The following GJC1 variants were observed in gnomAD, a reference collection of about 807,000 sequenced individuals.
GJC1 encodes the protein gap junction gamma-1 protein.
In GJC1, 5 loss-of-function variants were observed where a neutral mutation model predicts 29.3. That is an observed-to-expected ratio of 0.17 (90% CI 0.09 to 0.36). The LOEUF (loss-of-function observed/expected upper bound fraction) is 0.36. GJC1 is among the 10% of genes least tolerant of loss of function. The pLI is 1.00. For missense variants in GJC1, 310 were observed against 496.2 expected (o/e 0.62, Z 3.56); for synonymous variants, 177 against 183.3 (o/e 0.97, Z 0.28).
At chr17:44,815,766 T>C (rs1235398917) in intron 1 of GJC1, among the ~76,000 whole-genome samples, 2 of 145,462 alleles carry the variant, frequency 1.4e-5, no homozygotes, top group Non-Finnish European at 3.1e-5. Flanking sequence ...TTTTACTGAC[T>C]TCCTTCAAAT....
intron 1 of GJC1, among the ~76,000 whole-genome samples, chr17:44,816,112 CAAAA>C (rs34938283): frequency 1.7e-4 from 8 of 47,440 alleles, no homozygotes; most frequent in Non-Finnish European, 2.1e-4. Flanking sequence ...CACTCCGTCT[CAAAA>C]AAAAAAAAAA....
At chr17:44,806,573 G>GTATTTT (rs2049916716) in intron 2 of GJC1, among the ~76,000 whole-genome samples, 1 of 151,892 alleles carries the variant, frequency 6.6e-6, no homozygotes, top group Non-Finnish European at 1.5e-5. Context: ...ATTTTTAGTA[G>GTATTTT]AGATGGGGTT....
intron 1 of GJC1, among the ~76,000 whole-genome samples, chr17:44,826,765 G>A (rs774373971): frequency 6.6e-6 from 1 of 151,996 alleles, no homozygotes; most frequent in Non-Finnish European, 1.5e-5. Flanking sequence ...ATGCTCAAAC[G>A]CCCAGCTAGT....
intron 1 of GJC1, among the ~76,000 whole-genome samples, chr17:44,822,196 CAAAAAA>C (rs59152296): frequency 1.7e-4 from 8 of 47,560 alleles, no homozygotes; most frequent in African/African-American, 2.8e-4. Context: ...GACTCCGTCT[CAAAAAA>C]AAAAAAAAAA....
chr17:44,815,740 T>C (rs1217756920), intron 1 of GJC1, among the ~76,000 whole-genome samples: 1 of 152,108 alleles, frequency 6.6e-6, no homozygotes, highest in Admixed American at 6.6e-5. Context: ...ACATTTAATA[T>C]AAACATCTCA....
chr17:44,809,329 A>G (rs936107173), intron 1 of GJC1, among the ~76,000 whole-genome samples: 5 of 152,150 alleles, frequency 3.3e-5, no homozygotes, highest in African/African-American at 1.2e-4. Flanking sequence ...CTCTTTTCTC[A>G]TTGAATATAC....
At chr17:44,817,872 GGT>G (rs2050061434) in intron 1 of GJC1, among the ~76,000 whole-genome samples, 1 of 152,018 alleles carries the variant, frequency 6.6e-6, no homozygotes, top group African/African-American at 2.4e-5. Flanking sequence ...ATTATGTACA[GGT>G]TCTATGTGAC....
intron 1 of GJC1, among the ~76,000 whole-genome samples, chr17:44,829,168 T>A (rs2050204183): frequency 6.6e-6 from 1 of 151,666 alleles, no homozygotes; most frequent in Non-Finnish European, 1.5e-5. Flanking sequence ...CAGTTCTCAA[T>A]GAACAAAAAG....
At chr17:44,815,982 G>A (rs558608269) in intron 1 of GJC1, among the ~76,000 whole-genome samples, 6 of 151,494 alleles carry the variant, frequency 4.0e-5, no homozygotes, top group East Asian at 1.9e-4. Flanking sequence ...ACGTGGTGGC[G>A]GGTGCCTGTA....
At chr17:44,797,165 G>A (rs558100810), downstream of GJC1, among the ~76,000 whole-genome samples, 6 of 152,194 alleles carry the variant, frequency 3.9e-5, no homozygotes, top group African/African-American at 1.4e-4. Flanking sequence ...GAGTGCAGTG[G>A]CACAATCTTG....
rs35152035 is a variant in GJC1 at position 44,806,401 on chromosome 17, G to GTTT, written c.-20-567_-20-565dup. On this transcript the variant is annotated intron_variant, in intron 2 of 2. Coordinates refer to ENST00000592524, the MANE Select transcript of GJC1 (RefSeq NM_005497.4). ...TTCTCAGACCTTGGTTCTTCTGTTTGTTTTTTTTTTTTTTTTTTGAGACAG... is the reference window on the plus strand; with the variant it reads ...TTCTCAGACCTTGGTTCTTCTGTTTGTTTTTTTTTTTTTTTTTTTTTGAGACAG... Among the ~76,000 whole-genome samples, 303 of 122,122 alleles carry GTTT rather than the reference G, an allele frequency of 2.5e-3. 2 individuals carry two copies. The Middle Eastern group carries it at 0.028, about 11-fold the overall frequency. The allele number at this position is 122,122 out of a possible 152,430, so 80.1% of individuals were successfully genotyped here.
At chr17:44,831,269 A>G (rs2050228000), upstream of GJC1, among the ~76,000 whole-genome samples, 1 of 152,224 alleles carries the variant, frequency 6.6e-6, no homozygotes. Context: ...ATGTTTTCCA[A>G]AAATATGAAT....
Position 44,803,389 on chromosome 17 carries a change from A to G in GJC1, c.*1238T>C, listed in dbSNP as rs1369788163. 6.6e-6 allele frequency: 1 copy of G among 152,224 alleles called. No individual in the cohort carries two copies. The highest frequency in any genetic ancestry group is 2.4e-5 in the African/African-American group (1 of 41,452). 9.4% of individuals were successfully genotyped at this position (152,224 alleles called of 1,614,324 possible). A position where few individuals can be genotyped will look rare whatever the true frequency, so the allele number is the denominator to read the frequency against. ...ATAAAAGACTAGTGGGATGAACATG[A>G]ATGCTTGTCAGTGACAAACACATTA... On this transcript the variant is annotated 3_prime_UTR_variant, in exon 3 of 3. Coordinates refer to ENST00000592524, the MANE Select transcript of GJC1 (RefSeq NM_005497.4).
chr17:44,812,109 T>C (rs1455434572), intron 1 of GJC1, among the ~76,000 whole-genome samples: 1 of 151,716 alleles, frequency 6.6e-6, no homozygotes, highest in African/African-American at 2.4e-5. Context: ...GGTCAGGAGA[T>C]TGAGACCATC....
At chr17:44,825,923 T>C (rs751229791) in intron 1 of GJC1, among the ~76,000 whole-genome samples, 6 of 152,142 alleles carry the variant, frequency 3.9e-5, no homozygotes, top group Non-Finnish European at 8.8e-5. Flanking sequence ...ATACTTCATT[T>C]CTTTCTTTTT....
At position 44,805,664 on chromosome 17, in the gene GJC1, C is replaced by G. The variant is rs1407335017; in HGVS notation, c.154G>C (p.Val52Leu). ...SIYYDEQSKF[V>L]CNTEQPGCEN... ...CAGCCCGGCTGTTCTGTGTTGCACA[C>G]AAATTTGCTTTGCTCATCGTAATAG... The change falls in exon 3 of 3, where the codon GTG becomes CTG. Residue 52 changes from valine (V) to leucine (L), a missense_variant. Val to Leu is a conservative substitution (Grantham distance 32, BLOSUM62 1). Around this residue, in one of 4 missense-constraint regions of GJC1, gnomAD observed 37 missense variants for 104.2 expected, o/e 0.35. Coordinates refer to ENST00000592524, the MANE Select transcript of GJC1 (RefSeq NM_005497.4). The surrounding 1 kb of genome is among the most constrained non-coding windows in gnomAD (Gnocchi z 5.1). The G allele has an allele frequency of 7.4e-6, 12 of 1,614,046 alleles. No homozygotes were observed. The highest frequency in any genetic ancestry group is 1.7e-5 in the Admixed American group (1 of 59,988).
At chr17:44,814,282 A>G (rs1397048985) in intron 1 of GJC1, among the ~76,000 whole-genome samples, 1 of 151,882 alleles carries the variant, frequency 6.6e-6, no homozygotes, top group Non-Finnish European at 1.5e-5. Flanking sequence ...CTGGGACTAC[A>G]GGTGCCCGCC....
chr17:44,825,133 T>C (rs1339580500), intron 1 of GJC1, among the ~76,000 whole-genome samples: 2 of 132,592 alleles, frequency 1.5e-5, no homozygotes, highest in Non-Finnish European at 3.1e-5. Context: ...AAGGATCGCT[T>C]GAGAGCACCA....
intron 1 of GJC1, among the ~76,000 whole-genome samples, chr17:44,828,424 C>T (rs2050198032): frequency 6.6e-6 from 1 of 152,150 alleles, no homozygotes; most frequent in Non-Finnish European, 1.5e-5. Flanking sequence ...GTTTGAAATG[C>T]TTTGGAAAAA....
Sources: gnomAD v4.1 joint callset for allele counts (sites outside exome capture counted in the v4.1 genomes callset) on GRCh38, gnomAD v4.1.1 for gene constraint, gnomAD v4.1.1 regional missense constraint, Gnocchi (gnomAD v3.1) non-coding constraint, MANE v1.5 for transcripts, NCBI Gene and HGNC (gene_info 2026-07-23, HGNC 2026-07-21) for gene names.